Variants in KSR2 observed in about 807,000 individuals in gnomAD.
KSR2 encodes the protein kinase suppressor of ras 2.
KSR2 carries 25 observed loss-of-function variants against 107.8 expected under a neutral mutation model. The observed-to-expected ratio is 0.23, with a 90% CI of 0.17 to 0.32. KSR2 has a LOEUF of 0.32. Among genes scored for constraint, KSR2 ranks in the 10% least tolerant of loss-of-function variants. The pLI is 1.00. For missense variants in KSR2, 887 were observed against 1,268.9 expected, an observed-to-expected ratio of 0.70 and a Z score of 4.57; for synonymous variants, 480 against 507.0, an observed-to-expected ratio of 0.95 and a Z score of 0.71.
At chr12:117,849,126 A>C (rs973492786) in intron 3 of KSR2, among the ~76,000 whole-genome samples, 1 of 152,158 alleles carries the variant, frequency 6.6e-6, no homozygotes, top group Non-Finnish European at 1.5e-5. Context: ...AGAAAGGAGA[A>C]AGAGAACGGA....
At chr12:117,747,134 T>C (rs1888438260) in intron 4 of KSR2, among the ~76,000 whole-genome samples, 2 of 152,174 alleles carry the variant, frequency 1.3e-5, no homozygotes, top group Admixed American at 6.5e-5. Flanking sequence ...CATGCACACG[T>C]ATGTTTACTG....
Position 117,524,841 on chromosome 12 carries a change from G to A in KSR2, c.2219+11C>T, listed in dbSNP as rs777958139. On this transcript the variant is annotated intron_variant, in intron 14 of 19. Transcript: ENST00000339824. The stretch of plus-strand genomic sequence containing the variant: ...TGCCAATCCCTGGGTAGAAGCCCAG[G>A]TGGAACTGACCTGGTGATGATGGCC... 126 of 1,595,220 alleles carry A rather than the reference G, an allele frequency of 7.9e-5. 2 individuals carry two copies. The highest frequency in any genetic ancestry group is 6.8e-4 in the Middle Eastern group (4 of 5,868).
intron 9 of KSR2, among the ~76,000 whole-genome samples, chr12:117,550,910 G>A (rs769546637): frequency 9.9e-5 from 15 of 152,266 alleles, no homozygotes; most frequent in Middle Eastern, 3.4e-3. Flanking sequence ...GAGGCCCAGC[G>A]CCTAAATGAT....
intron 7 of KSR2, among the ~76,000 whole-genome samples, chr12:117,572,130 C>T (rs772960564): frequency 3.3e-5 from 5 of 152,166 alleles, no homozygotes; most frequent in South Asian, 2.1e-4. Flanking sequence ...AGGCCTTTAA[C>T]GTCCCAGTCC....
chr12:117,928,344 G>A (rs1002230534), intron 1 of KSR2, among the ~76,000 whole-genome samples: 24 of 152,048 alleles, frequency 1.6e-4, no homozygotes, highest in South Asian at 1.2e-3. Flanking sequence ...CACCATACCC[G>A]GCTAATTTTT....
At chr12:117,637,407 C>T (rs550685960) in intron 5 of KSR2, among the ~76,000 whole-genome samples, 1 of 152,162 alleles carries the variant, frequency 6.6e-6, no homozygotes, top group South Asian at 2.1e-4. Context: ...ACACATCCTG[C>T]AAGGCTCAGG....
chr12:117,693,849 G>A (rs1401490831), intron 4 of KSR2, among the ~76,000 whole-genome samples: 1 of 152,168 alleles, frequency 6.6e-6, no homozygotes, highest in Admixed American at 6.5e-5. Flanking sequence ...TCTGCCCACT[G>A]AGCAGTAAAA....
chr12:117,773,423 T>G (rs566237044), intron 3 of KSR2, among the ~76,000 whole-genome samples: 1 of 152,326 alleles, frequency 6.6e-6, no homozygotes, highest in East Asian at 1.9e-4. Context: ...AAAAGTGATT[T>G]CAGAAAGTCT....
At position 117,636,608 on chromosome 12, in the gene KSR2, A is replaced by T. The variant is rs150243124; in HGVS notation, c.1171+30866T>A. On this transcript the variant is annotated intron_variant, in intron 5 of 19. Transcript: ENST00000339824. ...AACGCCACTAGGCAACTGGTTATTC[A>T]TCTGGAAAAAAAATAGGTCCCTAAC... Among the ~76,000 whole-genome samples the T allele has an allele frequency of 1.5e-3, 226 of 152,346 alleles. 3 individuals carry two copies. Among genetic ancestry groups the T allele is most frequent in the African/African-American group, 5.3e-3 (222 of 41,592 alleles).
chr12:117,582,192 A>C, intron 6 of KSR2, 98 bp downstream of exon 6: 1 of 1,000,982 alleles, frequency 1.0e-6, no homozygotes, highest in Non-Finnish European at 1.6e-6. Context: ...GCTGGAGCTC[A>C]ATAGCCTAGC....
chr12:117,555,999 G>C (rs980376450), intron 8 of KSR2, among the ~76,000 whole-genome samples: 2 of 152,066 alleles, frequency 1.3e-5, no homozygotes, highest in Non-Finnish European at 2.9e-5. Context: ...CAGCGGTGAG[G>C]GGAGGGTGTT....
At chr12:117,822,962 G>A (rs933105857) in intron 3 of KSR2, among the ~76,000 whole-genome samples, 9 of 152,170 alleles carry the variant, frequency 5.9e-5, no homozygotes, top group African/African-American at 1.9e-4. Flanking sequence ...GTGCTATTTT[G>A]GGCCAGGGGA....
At position 117,761,277 on chromosome 12, in the gene KSR2, T is replaced by A. The variant is rs916669677; in HGVS notation, c.720A>T (p.Pro240=). 2 of 1,518,480 alleles carry A rather than the reference T, an allele frequency of 1.3e-6. No homozygotes were observed. The highest frequency in any genetic ancestry group is 2.8e-5 in the African/African-American group (2 of 71,816). The allele number at this position is 1,518,480 out of a possible 1,614,324, so 94.1% of individuals were successfully genotyped here. A position where few individuals can be genotyped will look rare whatever the true frequency, so the allele number is the denominator to read the frequency against. The stretch of plus-strand genomic sequence containing the variant: ...GCAGGGAACGGTGGCCCGACTCCAG[T>A]GGCGGGGGCGGGCACAAGCCCGGGT... ...DAYPGLCPPP[P]LESGHRSLPP... The change falls in exon 4 of 20, where the codon CCA becomes CCT. Residue 240 remains proline (P), a synonymous_variant. Transcript: ENST00000339824.
chr12:117,958,294 TAAA>T (rs1896571465), intron 1 of KSR2, among the ~76,000 whole-genome samples: 1 of 152,030 alleles, frequency 6.6e-6, no homozygotes, highest in African/African-American at 2.4e-5. Context: ...AAAAATAAAA[TAAA>T]ATATACACCT....
chr12:117,742,854 CCT>C (rs1593191295), intron 4 of KSR2, among the ~76,000 whole-genome samples: 2 of 152,300 alleles, frequency 1.3e-5, no homozygotes, highest in East Asian at 3.9e-4. Context: ...AAGCCACCAC[CCT>C]CTCTGCAAGA....
intron 1 of KSR2, among the ~76,000 whole-genome samples, chr12:117,942,212 T>C (rs750800463): frequency 3.9e-5 from 6 of 152,214 alleles, no homozygotes; most frequent in Admixed American, 3.9e-4. Flanking sequence ...ATCATTTATT[T>C]ATCATCTCTT....
At chr12:117,499,658 T>C (rs1873261918) in intron 14 of KSR2, among the ~76,000 whole-genome samples, 1 of 152,230 alleles carries the variant, frequency 6.6e-6, no homozygotes, top group African/African-American at 2.4e-5. Context: ...CTGGTCCTCT[T>C]TGGAAGTGGG....
intron 3 of KSR2, among the ~76,000 whole-genome samples, chr12:117,778,366 C>G (rs763272379): frequency 6.6e-6 from 1 of 152,170 alleles, no homozygotes; most frequent in Non-Finnish European, 1.5e-5. Flanking sequence ...GCTGGGATTA[C>G]AGGAGTGAGC....
intron 5 of KSR2, among the ~76,000 whole-genome samples, chr12:117,614,217 GA>G (rs1219031058): frequency 2.0e-5 from 3 of 152,100 alleles, no homozygotes; most frequent in African/African-American, 7.2e-5. Flanking sequence ...TATATGTACA[GA>G]AAAAAACTTA....
Sources: allele counts gnomAD v4.1 joint callset (sites outside exome capture counted in the v4.1 genomes callset), GRCh38; gene constraint gnomAD v4.1.1; transcripts MANE v1.5; gene names NCBI Gene and HGNC (gene_info 2026-07-23, HGNC 2026-07-21).